ADK: variants seen among roughly 807,000 people sequenced by gnomAD.
ADK encodes adenosine kinase.
ADK carries 24 observed loss-of-function variants against 44.7 expected under a neutral mutation model. That is an observed-to-expected ratio of 0.54 (90% CI 0.39 to 0.76). The LOEUF is 0.76. ADK is among the 30% of genes least tolerant of loss of function. The probability of loss-of-function intolerance (pLI) is 0.00; values close to 1 mark genes in which losing one functional copy is unlikely to be tolerated. For synonymous variants in ADK, 128 were observed against 142.6 expected, an observed-to-expected ratio of 0.90 and a Z score of 0.73; for missense variants, 321 against 425.1, an observed-to-expected ratio of 0.76 and a Z score of 2.15.
chr10:74,179,959 G>A (rs1385312786), intron 1 of ADK, among the ~76,000 whole-genome samples: 1 of 152,120 alleles, frequency 6.6e-6, no homozygotes, highest in Non-Finnish European at 1.5e-5. Context: ...AGCCTAAAAG[G>A]TAGGTATTAT....
chr10:74,231,524 G>A (rs1844763647), intron 3 of ADK, among the ~76,000 whole-genome samples: 1 of 148,090 alleles, frequency 6.8e-6, no homozygotes, highest in African/African-American at 2.5e-5. Flanking sequence ...TTGGAGTGCA[G>A]TGGCGTGATC....
chr10:74,462,533 C>A (rs977616691), intron 6 of ADK, among the ~76,000 whole-genome samples: 8 of 152,126 alleles, frequency 5.3e-5, no homozygotes, highest in Non-Finnish European at 1.0e-4. Flanking sequence ...ATATATATTT[C>A]ATATCTGGTT....
At chr10:74,302,109 G>T (rs28473266) in intron 3 of ADK, among the ~76,000 whole-genome samples, 1,007 of 12,648 alleles carry the variant, frequency 0.08, 84 homozygotes, top group African/African-American at 0.18. Flanking sequence ...TTGTTTGTTT[G>T]TTTTTTTTTT....
At chr10:74,343,510 G>A (rs1394622695) in intron 4 of ADK, among the ~76,000 whole-genome samples, 1 of 152,154 alleles carries the variant, frequency 6.6e-6, no homozygotes, top group African/African-American at 2.4e-5. Flanking sequence ...CTGTCTTAAG[G>A]GTGGCAGAGG....
chr10:74,618,998 G>A (rs1852877259), intron 9 of ADK, among the ~76,000 whole-genome samples: 1 of 142,946 alleles, frequency 7.0e-6, no homozygotes, highest in Admixed American at 7.1e-5. Context: ...TATCCCATAT[G>A]CCTTTTATGC....
chr10:74,244,969 T>G (rs772598696), intron 3 of ADK, among the ~76,000 whole-genome samples: 3 of 152,212 alleles, frequency 2.0e-5, no homozygotes, highest in Non-Finnish European at 2.9e-5. Flanking sequence ...AGGATTTTAA[T>G]GTAGTCTTTT....
chr10:74,453,842 T>G (rs1160069765), intron 6 of ADK, among the ~76,000 whole-genome samples: 1 of 152,094 alleles, frequency 6.6e-6, no homozygotes, highest in Admixed American at 6.5e-5. Flanking sequence ...ATATAAATAT[T>G]CATGATAGAA....
chr10:74,394,348 T>C (rs1843438448), intron 5 of ADK, 35 bp downstream of exon 5: 1 of 1,602,814 alleles, frequency 6.2e-7, no homozygotes, highest in Non-Finnish European at 8.5e-7. Context: ...CTATACTAAT[T>C]GGCTATTTTA....
chr10:74,346,915 C>T (rs542749360), intron 4 of ADK, among the ~76,000 whole-genome samples: 21 of 151,924 alleles, frequency 1.4e-4, no homozygotes, highest in African/African-American at 5.1e-4. Context: ...TTGAGACCAT[C>T]CTGGCTAACA....
intron 3 of ADK, among the ~76,000 whole-genome samples, chr10:74,226,058 A>G (rs1327304978): frequency 6.6e-6 from 1 of 152,142 alleles, no homozygotes; most frequent in East Asian, 1.9e-4. Flanking sequence ...TGTCCAAGAT[A>G]TAATTCATCT....
intron 4 of ADK, among the ~76,000 whole-genome samples, chr10:74,336,675 A>G (rs773422589): frequency 2.6e-5 from 4 of 152,214 alleles, no homozygotes; most frequent in African/African-American, 7.2e-5. Flanking sequence ...CTTAGTGCCC[A>G]TAAGGGATTG....
chr10:74,644,598 A>T (rs532902246), intron 9 of ADK, among the ~76,000 whole-genome samples: 1 of 152,292 alleles, frequency 6.6e-6, no homozygotes, highest in East Asian at 1.9e-4. Context: ...CAGGGATGCA[A>T]TCATAGATCA....
At chr10:74,641,353 T>A (rs1408920112) in intron 9 of ADK, 1 of 152,092 alleles carries the variant, frequency 6.6e-6, no homozygotes, top group African/African-American at 2.4e-5. Context: ...CTAAAAAAAA[T>A]AACTTTTTAA....
chr10:74,189,988 T>C (rs1353298387), intron 1 of ADK, among the ~76,000 whole-genome samples: 2 of 152,214 alleles, frequency 1.3e-5, no homozygotes, highest in Non-Finnish European at 2.9e-5. Flanking sequence ...ATTTATCCAT[T>C]TATCACTTGA....
chr10:74,647,319 A>G (rs1471826684), intron 9 of ADK, among the ~76,000 whole-genome samples: 1 of 152,178 alleles, frequency 6.6e-6, no homozygotes, highest in Non-Finnish European at 1.5e-5. Flanking sequence ...AATAGACATA[A>G]CAGAAGCTTT....
At chr10:74,601,590 T>C (rs924378094) in intron 9 of ADK, among the ~76,000 whole-genome samples, 1 of 152,170 alleles carries the variant, frequency 6.6e-6, no homozygotes, top group African/African-American at 2.4e-5. Context: ...AATGAATTAA[T>C]TGTTGAAGCT....
chr10:74,677,415 C>A (rs1556821), intron 10 of ADK, among the ~76,000 whole-genome samples: 103,126 of 152,066 alleles, frequency 0.68, 35,318 homozygotes, highest in Middle Eastern at 0.78. Flanking sequence ...TTCATATTTT[C>A]TATCCTCACC....
intron 6 of ADK, among the ~76,000 whole-genome samples, chr10:74,498,288 AT>A (rs1183362318): frequency 2.2e-4 from 34 of 152,352 alleles, no homozygotes; most frequent in African/African-American, 7.7e-4. Context: ...TATGTAAATC[AT>A]TAAGATTTTA....
At chr10:74,703,753 G>A (rs1856511001) in intron 10 of ADK, among the ~76,000 whole-genome samples, 1 of 152,172 alleles carries the variant, frequency 6.6e-6, no homozygotes, top group Non-Finnish European at 1.5e-5. Context: ...CCACACTGTA[G>A]CTATGTAAGA....
Sources: allele counts gnomAD v4.1 joint callset (sites outside exome capture counted in the v4.1 genomes callset), GRCh38; gene constraint gnomAD v4.1.1; transcripts MANE v1.5; gene names NCBI Gene and HGNC (gene_info 2026-07-23, HGNC 2026-07-21).